FRMD4A: variants seen among roughly 807,000 people sequenced by gnomAD.
FRMD4A encodes the protein FERM domain containing 4A.
In FRMD4A, 29 loss-of-function variants were observed where a neutral mutation model predicts 129.1. The ratio of observed to expected loss-of-function variants is 0.22; its 90% CI spans 0.17 to 0.31. FRMD4A has a LOEUF of 0.31. Among genes scored for constraint, FRMD4A ranks in the 10% least tolerant of loss-of-function variants. FRMD4A has a pLI of 1.00. For missense variants in FRMD4A, 1,272 were observed against 1,375.8 expected, an observed-to-expected ratio of 0.92 and a Z score of 1.19; for synonymous variants, 634 against 571.6, an observed-to-expected ratio of 1.11 and a Z score of -1.56.
intron 2 of FRMD4A, among the ~76,000 whole-genome samples, chr10:13,913,659 C>A (rs75410403): frequency 0.01 from 1,585 of 152,148 alleles, 40 homozygotes; most frequent in African/African-American, 0.036. Flanking sequence ...CATGCCAGGA[C>A]CTCAGTAGAT....
intron 2 of FRMD4A, among the ~76,000 whole-genome samples, chr10:13,925,167 C>G (rs2797860): frequency 0.6 from 91,282 of 151,692 alleles, 28,213 homozygotes; most frequent in East Asian, 0.98. Context: ...AAGATCTGCA[C>G]TTACTTCTTT....
At chr10:14,329,937 C>A (rs1336781101) in intron 2 of FRMD4A, 121 bp downstream of exon 2, 6 of 879,120 alleles carry the variant, frequency 6.8e-6, no homozygotes, top group African/African-American at 5.0e-5. Flanking sequence ...AAAGAGCCTG[C>A]GGGATAAAGC....
At chr10:14,260,717 T>C (rs1844772326) in intron 2 of FRMD4A, among the ~76,000 whole-genome samples, 1 of 152,224 alleles carries the variant, frequency 6.6e-6, no homozygotes, top group Non-Finnish European at 1.5e-5. Context: ...ACCTTTGCCT[T>C]TGTTCTTAAT....
chr10:13,734,283 G>A (rs61833244), intron 12 of FRMD4A, among the ~76,000 whole-genome samples: 24,416 of 152,046 alleles, frequency 0.16, 2,199 homozygotes, highest in Non-Finnish European at 0.2. Context: ...TCTCAGTCTT[G>A]TCCTGGGTTT....
intron 2 of FRMD4A, among the ~76,000 whole-genome samples, chr10:14,210,123 T>C (rs1163517950): frequency 6.6e-6 from 1 of 152,230 alleles, no homozygotes; most frequent in Non-Finnish European, 1.5e-5. Flanking sequence ...CAGCCTGCTA[T>C]AGCCTGAATG....
chr10:13,932,143 T>C (rs1397752942), intron 2 of FRMD4A, among the ~76,000 whole-genome samples: 2 of 152,258 alleles, frequency 1.3e-5, no homozygotes, highest in African/African-American at 2.4e-5. Context: ...TCCAGACCCA[T>C]TGACCAAGTC....
chr10:13,883,038 A>G (rs1413858114), intron 2 of FRMD4A, among the ~76,000 whole-genome samples: 11 of 151,978 alleles, frequency 7.2e-5, no homozygotes, highest in Non-Finnish European at 7.4e-5. Context: ...TTCTGTCCTC[A>G]AGTGATCCTC....
At chr10:13,907,062 C>A (rs979395059) in intron 2 of FRMD4A, among the ~76,000 whole-genome samples, 1 of 152,148 alleles carries the variant, frequency 6.6e-6, no homozygotes, top group Admixed American at 6.5e-5. Context: ...CCTTGCAGCC[C>A]TACGTCACTC....
intron 2 of FRMD4A, among the ~76,000 whole-genome samples, chr10:14,096,799 C>T (rs918940040): frequency 2.6e-5 from 4 of 152,124 alleles, no homozygotes; most frequent in African/African-American, 9.7e-5. Flanking sequence ...TTCCCACCTA[C>T]ATTATGTTTA....
chr10:14,239,139 C>T (rs1843939078), intron 2 of FRMD4A, among the ~76,000 whole-genome samples: 2 of 152,114 alleles, frequency 1.3e-5, no homozygotes, highest in East Asian at 1.9e-4. Flanking sequence ...CCCAGAGATG[C>T]CTGACTTTAC....
In FRMD4A at chr10:14,131,501, G is replaced by A. The variant is rs572955371; in HGVS notation, c.45+198557C>T. ...CGTGTGACTGTTCTGGAGACTGTCGGGAAAGACACAGATTCCAAACATGAA... is the reference window on the plus strand; with the variant it reads ...CGTGTGACTGTTCTGGAGACTGTCGAGAAAGACACAGATTCCAAACATGAA... On this transcript the variant is annotated intron_variant, in intron 2 of 24. Coordinates refer to ENST00000357447, the MANE Select transcript of FRMD4A (RefSeq NM_018027.5). 1.3e-4 allele frequency among the ~76,000 whole-genome samples: 19 copies of A among 151,974 alleles called. No homozygotes were observed. In the South Asian group the frequency reaches 3.8e-3, roughly 30 times the overall value.
intron 2 of FRMD4A, among the ~76,000 whole-genome samples, chr10:14,321,793 G>C (rs976710321): frequency 2.0e-5 from 3 of 152,178 alleles, no homozygotes; most frequent in Admixed American, 2.0e-4. Flanking sequence ...CTGTGTCCCT[G>C]CCCAAATCTC....
intron 2 of FRMD4A, among the ~76,000 whole-genome samples, chr10:13,863,613 T>C (rs2094323066): frequency 6.6e-6 from 1 of 151,606 alleles, no homozygotes; most frequent in Non-Finnish European, 1.5e-5. Context: ...AAAAAACAAA[T>C]GATACGTATC....
At chr10:14,023,461 G>C (rs551792772) in intron 2 of FRMD4A, among the ~76,000 whole-genome samples, 9 of 152,230 alleles carry the variant, frequency 5.9e-5, no homozygotes, top group Non-Finnish European at 8.8e-5. Flanking sequence ...CCAGCTGCGA[G>C]ACGCAGACTG....
At chr10:13,888,424 C>T (rs1021378775) in intron 2 of FRMD4A, among the ~76,000 whole-genome samples, 9 of 152,108 alleles carry the variant, frequency 5.9e-5, no homozygotes, top group Non-Finnish European at 1.0e-4. Context: ...GAGAAACGGA[C>T]AGCGCAGAAT....
chr10:14,215,248 G>A (rs918680792), intron 2 of FRMD4A, among the ~76,000 whole-genome samples: 6 of 152,094 alleles, frequency 3.9e-5, no homozygotes, highest in African/African-American at 1.2e-4. Flanking sequence ...ACAGTTCAGC[G>A]AAAAACAAGC....
At chr10:13,965,567 G>A (rs867820490) in intron 2 of FRMD4A, among the ~76,000 whole-genome samples, 2 of 152,190 alleles carry the variant, frequency 1.3e-5, no homozygotes, top group Non-Finnish European at 2.9e-5. Flanking sequence ...TGCAATCCCT[G>A]TGTTTAGAAG....
At position 13,959,729 on chromosome 10, in the gene FRMD4A, CG is replaced by C. The variant is rs376385536; in HGVS notation, c.46-100818del. 1.4e-4 allele frequency among the ~76,000 whole-genome samples: 22 copies of C among 152,216 alleles called. No individual in the cohort carries two copies. The South Asian group carries it at 4.6e-3, about 32-fold the overall frequency. ...CTCATGCATGTGCTCAGTTTCTACC[CG>C]GGAGCACTGTGAGAGCTGGCACTTG... On this transcript the variant is annotated intron_variant, in intron 2 of 24. Transcript: ENST00000357447.
chr10:13,988,461 C>T (rs1317188662), intron 2 of FRMD4A, among the ~76,000 whole-genome samples: 2 of 152,176 alleles, frequency 1.3e-5, no homozygotes, highest in Non-Finnish European at 2.9e-5. Context: ...ATCACCTCCA[C>T]CAGGAGGATT....
Sources: gnomAD v4.1 joint callset for allele counts (sites outside exome capture counted in the v4.1 genomes callset) on GRCh38, gnomAD v4.1.1 for gene constraint, MANE v1.5 for transcripts, NCBI Gene and HGNC (gene_info 2026-07-23, HGNC 2026-07-21) for gene names.